SVIL: variants seen among roughly 807,000 people sequenced by gnomAD.
SVIL encodes the protein supervillin, also known as archvillin.
In SVIL, 101 loss-of-function variants were observed where a neutral mutation model predicts 240.4. That is an observed-to-expected ratio of 0.42 (90% confidence interval 0.36 to 0.50). The LOEUF (loss-of-function observed/expected upper bound fraction) is 0.50, where lower values mean the gene tolerates loss of function less well. Among genes scored for constraint, SVIL ranks in the 20% least tolerant of loss-of-function variants. The probability of loss-of-function intolerance (pLI) is 0.01; values close to 1 mark genes in which losing one functional copy is unlikely to be tolerated. For synonymous variants in SVIL, 999 were observed against 1,100.0 expected (o/e 0.91, Z 1.82); for missense variants, 2,512 against 2,818.7 (o/e 0.89, Z 2.46).
At chr10:29,589,906 C>T (rs1589335958) in intron 1 of SVIL, among the ~76,000 whole-genome samples, 1 of 152,032 alleles carries the variant, frequency 6.6e-6, no homozygotes, top group Non-Finnish European at 1.5e-5. Context: ...TGGTGGCTCA[C>T]GCCTGTAATC....
At chr10:29,558,711 G>A (rs1464203466) in intron 3 of SVIL, among the ~76,000 whole-genome samples, 1 of 151,352 alleles carries the variant, frequency 6.6e-6, no homozygotes, top group Admixed American at 6.6e-5. Flanking sequence ...TGGATCACTT[G>A]AGGTCAGGAG....
At chr10:29,709,412 C>T (rs1963125979) in intron 1 of SVIL, among the ~76,000 whole-genome samples, 2 of 152,196 alleles carry the variant, frequency 1.3e-5, no homozygotes, top group Admixed American at 1.3e-4. Flanking sequence ...AGGTGACAAG[C>T]TTAGACTTCA....
At position 29,499,711 on chromosome 10, in the gene SVIL, G is replaced by A. The variant is rs558205281; in HGVS notation, c.3517-448C>T. Among the ~76,000 whole-genome samples, 15 of 152,290 alleles carry A rather than the reference G, an allele frequency of 9.8e-5. No individual in the cohort carries two copies. The East Asian group carries it at 2.7e-3, about 27-fold the overall frequency. On this transcript the variant is annotated intron_variant, in intron 17 of 37. Coordinates refer to ENST00000355867, the MANE Select transcript of SVIL (RefSeq NM_021738.3). Reference sequence around the variant, plus strand: ...AACTTTATCCATGTGAGCACACAAGGAACTTGCCCAGTTAGAGACAGGGAA... The same window carrying A: ...AACTTTATCCATGTGAGCACACAAGAAACTTGCCCAGTTAGAGACAGGGAA...
chr10:29,673,512 C>T (rs1959948939), intron 2 of SVIL, among the ~76,000 whole-genome samples: 1 of 148,534 alleles, frequency 6.7e-6, no homozygotes, highest in Non-Finnish European at 1.5e-5. Context: ...TGTGGGAGGC[C>T]CCAGGAAACT....
At chr10:29,548,178 C>T (rs946245198) in intron 6 of SVIL, among the ~76,000 whole-genome samples, 2 of 152,202 alleles carry the variant, frequency 1.3e-5, no homozygotes, top group African/African-American at 4.8e-5. Context: ...TAATACATTT[C>T]AGTACCACAA....
chr10:29,462,438 G>A, intron 35 of SVIL, 37 bp from the exon 36 acceptor site: 2 of 1,596,086 alleles, frequency 1.3e-6, no homozygotes, highest in Non-Finnish European at 1.7e-6. Flanking sequence ...GTAGACCCCA[G>A]GGAGACCCTG....
intron 1 of SVIL, among the ~76,000 whole-genome samples, chr10:29,599,589 G>C (rs548647372): frequency 1.4e-4 from 22 of 152,060 alleles, no homozygotes; most frequent in Admixed American, 1.4e-3. Context: ...CTAATCTTTT[G>C]TATTTTTAGT....
At chr10:29,595,281 G>C (rs778266514) in intron 1 of SVIL, among the ~76,000 whole-genome samples, 5 of 152,246 alleles carry the variant, frequency 3.3e-5, no homozygotes, top group African/African-American at 1.2e-4. Context: ...GCTGAGAAAT[G>C]AGACAAGGAC....
chr10:29,465,194 T>C (rs937964022), intron 34 of SVIL, among the ~76,000 whole-genome samples: 6 of 152,162 alleles, frequency 3.9e-5, no homozygotes, highest in Admixed American at 2.6e-4. Flanking sequence ...TGGGCTTTTT[T>C]CCTTCCCCTT....
chr10:29,497,328 G>A (rs1948521324), intron 18 of SVIL, among the ~76,000 whole-genome samples: 1 of 152,160 alleles, frequency 6.6e-6, no homozygotes, highest in Non-Finnish European at 1.5e-5. Flanking sequence ...ATGTGAAAAC[G>A]TATACCACTA....
At chr10:29,641,943 T>A (rs948327266) in intron 3 of SVIL, among the ~76,000 whole-genome samples, 5 of 152,152 alleles carry the variant, frequency 3.3e-5, no homozygotes, top group African/African-American at 1.2e-4. Flanking sequence ...GTTGGGTACA[T>A]TCCAAAGTCC....
chr10:29,625,655 G>A (rs1173695543), intron 1 of SVIL, among the ~76,000 whole-genome samples: 1 of 152,084 alleles, frequency 6.6e-6, no homozygotes, highest in African/African-American at 2.4e-5. Context: ...GTAGAGACGA[G>A]GTTTCACCAT....
At chr10:29,712,196 C>T (rs1273329832) in intron 1 of SVIL, among the ~76,000 whole-genome samples, 3 of 152,106 alleles carry the variant, frequency 2.0e-5, no homozygotes, top group South Asian at 4.1e-4. Context: ...GCTTGTGCTG[C>T]GGTTTGGATA....
At chr10:29,704,992 T>C (rs1217049363) in intron 1 of SVIL, among the ~76,000 whole-genome samples, 1 of 152,236 alleles carries the variant, frequency 6.6e-6, no homozygotes, top group Non-Finnish European at 1.5e-5. Context: ...CTAAACCATG[T>C]ACATTTGGTG....
intron 1 of SVIL, among the ~76,000 whole-genome samples, chr10:29,713,788 T>C (rs10763738): frequency 0.2 from 30,413 of 152,220 alleles, 3,885 homozygotes; most frequent in African/African-American, 0.37. Context: ...TACTCCAATA[T>C]ACTTGAAGCT....
intron 13 of SVIL, among the ~76,000 whole-genome samples, chr10:29,526,332 G>A (rs888546656): frequency 1.7e-5 from 2 of 117,758 alleles, no homozygotes; most frequent in Non-Finnish European, 3.3e-5. Context: ...TTGAGACAGA[G>A]TCTTGCTCTG....
chr10:29,572,004 A>C (rs1181294428), intron 1 of SVIL, among the ~76,000 whole-genome samples: 1 of 152,220 alleles, frequency 6.6e-6, no homozygotes, highest in Non-Finnish European at 1.5e-5. Context: ...GTAGGGCTGC[A>C]GGAAATGTTT....
chr10:29,553,006 T>C (rs1395576539), intron 5 of SVIL, among the ~76,000 whole-genome samples: 1 of 152,054 alleles, frequency 6.6e-6, no homozygotes, highest in East Asian at 1.9e-4. Flanking sequence ...TTTTAAGAGG[T>C]GGAGTCTGGC....
At chr10:29,468,598 T>A (rs1174535639) in intron 32 of SVIL, among the ~76,000 whole-genome samples, 1 of 151,474 alleles carries the variant, frequency 6.6e-6, no homozygotes, top group Non-Finnish European at 1.5e-5. Flanking sequence ...AAATTTAAAA[T>A]TTGTGGGTAT....
Sources: gnomAD v4.1 joint callset for allele counts (sites outside exome capture counted in the v4.1 genomes callset) on GRCh38, gnomAD v4.1.1 for gene constraint, MANE v1.5 for transcripts, NCBI Gene and HGNC (gene_info 2026-07-23, HGNC 2026-07-21) for gene names.